The following ARHGAP24 variants were observed in gnomAD, a reference collection of about 807,000 sequenced individuals.
The protein encoded by ARHGAP24 is Rho GTPase activating protein 24.
Under a neutral mutation model 76.4 loss-of-function variants are expected in ARHGAP24, and 50 were observed. The observed-to-expected ratio is 0.65, with a 90% confidence interval of 0.52 to 0.83. The LOEUF (loss-of-function observed/expected upper bound fraction) is 0.83, where lower values mean the gene tolerates loss of function less well. ARHGAP24 is among the 40% of genes least tolerant of loss of function. The pLI is 0.00. For missense variants in ARHGAP24, 930 were observed against 914.2 expected (o/e 1.02, Z -0.22); for synonymous variants, 345 against 323.3 (o/e 1.07, Z -0.72).
chr4:85,988,144 C>G (rs533561453), intron 8 of ARHGAP24, among the ~76,000 whole-genome samples: 1 of 151,896 alleles, frequency 6.6e-6, no homozygotes, highest in Non-Finnish European at 1.5e-5. Context: ...TGAGTAAATT[C>G]ATCACTGATG....
intron 2 of ARHGAP24, among the ~76,000 whole-genome samples, chr4:85,592,336 C>A (rs1194838941): frequency 2.0e-5 from 3 of 151,888 alleles, no homozygotes. Context: ...GATTTTTTGC[C>A]CACATTTTAA....
chr4:85,529,828 C>A (rs1182138453), intron 1 of ARHGAP24, among the ~76,000 whole-genome samples: 6 of 152,044 alleles, frequency 3.9e-5, no homozygotes, highest in African/African-American at 1.4e-4. Context: ...TCAGCAAAAC[C>A]TGATGTGACA....
At chr4:85,560,439 T>A (rs1216243228) in intron 1 of ARHGAP24, among the ~76,000 whole-genome samples, 1 of 152,188 alleles carries the variant, frequency 6.6e-6, no homozygotes, top group Non-Finnish European at 1.5e-5. Flanking sequence ...AGCAAATGAA[T>A]ACGGAAACGT....
intron 3 of ARHGAP24, among the ~76,000 whole-genome samples, chr4:85,727,503 A>G (rs1395171980): frequency 6.6e-6 from 1 of 152,258 alleles, no homozygotes; most frequent in South Asian, 2.1e-4. Flanking sequence ...AGAAACAGAC[A>G]TTTTCCAGCA....
chr4:85,679,285 G>A (rs182721588), intron 2 of ARHGAP24, among the ~76,000 whole-genome samples: 3 of 152,226 alleles, frequency 2.0e-5, no homozygotes, highest in East Asian at 1.9e-4. Flanking sequence ...GACAAGGGGG[G>A]CTTCAGAGAA....
At chr4:85,718,848 C>T (rs1724827688) in intron 2 of ARHGAP24, among the ~76,000 whole-genome samples, 1 of 152,106 alleles carries the variant, frequency 6.6e-6, no homozygotes, top group South Asian at 2.1e-4. Context: ...CAAAGGATAG[C>T]ATTACTTGGA....
intron 2 of ARHGAP24, among the ~76,000 whole-genome samples, chr4:85,711,936 A>C (rs1399210989): frequency 6.6e-6 from 1 of 152,178 alleles, no homozygotes; most frequent in African/African-American, 2.4e-5. Context: ...AGTTTCGCAT[A>C]GTAAATATTG....
At chr4:85,686,622 A>T (rs1187355105) in intron 2 of ARHGAP24, 1 of 152,128 alleles carries the variant, frequency 6.6e-6, no homozygotes. Context: ...TGTAGTAGAG[A>T]TGCTCTCTCT....
intron 2 of ARHGAP24, among the ~76,000 whole-genome samples, chr4:85,699,147 CT>C (rs1385819024): frequency 6.6e-6 from 1 of 152,164 alleles, no homozygotes; most frequent in East Asian, 1.9e-4. Context: ...CTATTCTTTG[CT>C]TTTTCCCTTA....
At chr4:85,828,177 G>A (rs779488355) in intron 3 of ARHGAP24, among the ~76,000 whole-genome samples, 5 of 152,134 alleles carry the variant, frequency 3.3e-5, no homozygotes, top group Non-Finnish European at 4.4e-5. Context: ...TGGACATAGT[G>A]CTGTTCTTCC....
intron 1 of ARHGAP24, among the ~76,000 whole-genome samples, chr4:85,557,571 C>T (rs555808735): frequency 6.6e-6 from 1 of 152,300 alleles, no homozygotes; most frequent in South Asian, 2.1e-4. Context: ...TCCTGTCTCA[C>T]TCTTCTCTGT....
chr4:85,924,747 T>C (rs371002244), intron 4 of ARHGAP24: 10 of 152,294 alleles, frequency 6.6e-5, no homozygotes, highest in African/African-American at 2.4e-4. Context: ...GTTGGTAAGT[T>C]GAAGTTAAAA....
At chr4:85,916,836 A>G (rs948314234) in intron 3 of ARHGAP24, among the ~76,000 whole-genome samples, 2 of 152,322 alleles carry the variant, frequency 1.3e-5, no homozygotes, top group South Asian at 2.1e-4. Flanking sequence ...CAAACAAATA[A>G]TTCACTGCAA....
chr4:85,714,422 A>G (rs921016978), intron 2 of ARHGAP24, among the ~76,000 whole-genome samples: 19 of 152,086 alleles, frequency 1.2e-4, no homozygotes, highest in African/African-American at 2.4e-4. Context: ...CAGAATGATA[A>G]TGCTTCTCAA....
At chr4:85,745,364 A>AT (rs1024589030) in intron 3 of ARHGAP24, among the ~76,000 whole-genome samples, 1 of 147,438 alleles carries the variant, frequency 6.8e-6, no homozygotes. Flanking sequence ...GAGTATATGT[A>AT]TTATATTGTA....
chr4:85,783,743 G>A (rs1300167383), intron 3 of ARHGAP24, among the ~76,000 whole-genome samples: 1 of 152,164 alleles, frequency 6.6e-6, no homozygotes, highest in Non-Finnish European at 1.5e-5. Context: ...CTCAAGGAGT[G>A]ATAAACATAT....
Position 85,779,984 on chromosome 4 carries a change from T to G in ARHGAP24, c.268+58012T>G, listed in dbSNP as rs72976727. ...AGCCACTTGTGGATCATTCTCTTCA[T>G]GAGATCCACTATATGTTTTGAGCTC... On this transcript the variant is annotated intron_variant, in intron 3 of 9. Coordinates refer to ENST00000395184, the MANE Select transcript of ARHGAP24 (RefSeq NM_001025616.3). 4.7e-3 allele frequency among the ~76,000 whole-genome samples: 712 copies of G among 152,272 alleles called. 7 individuals carry two copies. Among genetic ancestry groups the G allele is most frequent in the African/African-American group, 0.016 (656 of 41,568 alleles).
rs147621957 is a variant in ARHGAP24, at chr4:85,919,173, G to A, written c.269-4475G>A. Among the ~76,000 whole-genome samples the A allele has an allele frequency of 8.7e-3, 1,323 of 152,142 alleles. 26 individuals are homozygous for A. Among genetic ancestry groups the A allele is most frequent in the African/African-American group, 0.031 (1,271 of 41,506 alleles). ...CACCTCTTGAAAGAATTTTTTATTC[G>A]AAATGGTTAAATAGATCATTAAGTC... On this transcript the variant is annotated intron_variant, in intron 3 of 9. Transcript: ENST00000395184.
At chr4:85,836,807 G>T (rs1341747368) in intron 3 of ARHGAP24, among the ~76,000 whole-genome samples, 1 of 152,212 alleles carries the variant, frequency 6.6e-6, no homozygotes, top group Admixed American at 6.5e-5. Flanking sequence ...AGCAGCATCA[G>T]TATCCTGTCA....
Sources: allele counts gnomAD v4.1 joint callset (sites outside exome capture counted in the v4.1 genomes callset), GRCh38; gene constraint gnomAD v4.1.1; transcripts MANE v1.5; gene names NCBI Gene and HGNC (gene_info 2026-07-23, HGNC 2026-07-21).